The following CDH23 variants were observed in gnomAD, a reference collection of about 807,000 sequenced individuals.
CDH23 encodes cadherin-23.
In CDH23, 189 loss-of-function variants were observed where a neutral mutation model predicts 317.1. The ratio of observed to expected loss-of-function variants is 0.60; its 90% confidence interval spans 0.53 to 0.67. The LOEUF is 0.67. Ranked by LOEUF, CDH23 falls within the 30% of genes least tolerant of loss-of-function variation. The pLI is 0.00. For missense variants in CDH23, 4,401 were observed against 4,592.4 expected (o/e 0.96, Z 1.20); for synonymous variants, 1,839 against 1,876.8 (o/e 0.98, Z 0.52).
intron 3 of CDH23, among the ~76,000 whole-genome samples, chr10:71,456,337 G>A (rs918008757): frequency 1.3e-5 from 2 of 151,856 alleles, no homozygotes; most frequent in Admixed American, 6.6e-5. Flanking sequence ...ACCCCCAGGA[G>A]GGCTTGGGTG....
At chr10:71,659,989 C>G (rs1409631136) in intron 14 of CDH23, among the ~76,000 whole-genome samples, 4 of 134,922 alleles carry the variant, frequency 3.0e-5, no homozygotes, top group Admixed American at 1.6e-4. Context: ...TTAGACGGAG[C>G]CTCGCTCCCT....
intron 24 of CDH23, 131 bp downstream of exon 24, chr10:71,702,825 G>A (rs1865643063): frequency 1.0e-6 from 1 of 1,003,516 alleles, no homozygotes; most frequent in Non-Finnish European, 1.5e-6. Context: ...AGAGGCTCTG[G>A]AGATGTGGAG....
chr10:71,711,389 A>G (rs539681320), intron 27 of CDH23, among the ~76,000 whole-genome samples: 1 of 152,260 alleles, frequency 6.6e-6, no homozygotes, highest in South Asian at 2.1e-4. Flanking sequence ...CTGGGGAAGA[A>G]GGATGGCGTC....
chr10:71,647,236 G>A (rs71479411), intron 14 of CDH23: 1 of 314,638 alleles, frequency 3.2e-6, no homozygotes, highest in Non-Finnish European at 4.6e-6. Context: ...GCCGAGGTGG[G>A]CGGATCACTT....
intron 1 of CDH23, among the ~76,000 whole-genome samples, chr10:71,420,539 A>ATGGTGATGGTAATGG (rs1848754921): frequency 3.1e-4 from 1 of 3,244 alleles, no homozygotes; most frequent in Non-Finnish European, 7.1e-4. Context: ...GATGATGATG[A>ATGGTGATGGTAATGG]TGATGGTGAT....
At chr10:71,731,860 C>A (rs74516676) in intron 31 of CDH23, 127 bp from the exon 32 acceptor site, 2 of 910,190 alleles carry the variant, frequency 2.2e-6, no homozygotes, top group Admixed American at 2.7e-5. Flanking sequence ...ATGATCCTGC[C>A]GGCAGAGGTG....
At chr10:71,707,157 G>C (rs2132746832) in intron 26 of CDH23, 108 bp downstream of exon 26, 1 of 1,546,844 alleles carries the variant, frequency 6.5e-7, no homozygotes, top group South Asian at 1.2e-5. Flanking sequence ...TGGAAAAGAG[G>C]TCAGGGCTCT....
chr10:71,567,962 C>T (rs1457316753), intron 7 of CDH23, among the ~76,000 whole-genome samples: 4 of 152,238 alleles, frequency 2.6e-5, no homozygotes, highest in Admixed American at 6.5e-5. Context: ...AGGGGCCTGC[C>T]GGCAGCGCTG....
intron 6 of CDH23, among the ~76,000 whole-genome samples, chr10:71,537,048 G>A (rs1855743494): frequency 6.6e-6 from 1 of 152,118 alleles, no homozygotes; most frequent in Admixed American, 6.5e-5. Flanking sequence ...GGACAGGACT[G>A]CCACAGGAGC....
intron 9 of CDH23, among the ~76,000 whole-genome samples, chr10:71,610,682 A>G (rs1322221409): frequency 2.0e-5 from 3 of 152,198 alleles, no homozygotes; most frequent in East Asian, 3.8e-4. Flanking sequence ...TTTAATAAAT[A>G]GGAGAATGAA....
chr10:71,589,376 C>G (rs541489347), intron 9 of CDH23, among the ~76,000 whole-genome samples: 4 of 152,174 alleles, frequency 2.6e-5, no homozygotes, highest in Admixed American at 2.0e-4. Flanking sequence ...CCTTGGCCTC[C>G]GAAAGTGCTG....
Position 71,509,823 on chromosome 10 carries a change from T to C in CDH23, c.146-259T>C, listed in dbSNP as rs1484324946. Reference sequence around the variant, plus strand: ...AAGGGGGGCAGGCAGAAGTCATAAGTGTCTTTTACACACTCAGAACATGGT... The same window carrying C: ...AAGGGGGGCAGGCAGAAGTCATAAGCGTCTTTTACACACTCAGAACATGGT... On this transcript the variant is annotated intron_variant, in intron 3 of 69. Coordinates refer to ENST00000224721, the MANE Select transcript of CDH23 (RefSeq NM_022124.6). 21 of 489,610 alleles carry C rather than the reference T, an allele frequency of 4.3e-5. No homozygotes were observed. In the Admixed American group the frequency reaches 7.0e-4, roughly 16 times the overall value. The allele number at this position is 489,610 out of a possible 1,614,324, so 30.3% of individuals were successfully genotyped here.
Position 71,578,127 on chromosome 10 carries a change from G to A in CDH23, c.832+135G>A, listed in dbSNP as rs1858350218. The A allele has an allele frequency of 5.7e-5, 47 of 831,832 alleles. No individual in the cohort carries two copies. The South Asian group carries it at 6.8e-4, about 12-fold the overall frequency. The allele number at this position is 831,832 out of a possible 1,614,324, so 51.5% of individuals were successfully genotyped here. The stretch of plus-strand genomic sequence containing the variant: ...GGACAGGGTAGGAGACCTGACTACA[G>A]GGACAGTCCTCGCCAAAGGGCCAGG... On this transcript the variant is annotated intron_variant, in intron 9 of 69. Transcript: ENST00000224721.
chr10:71,784,103 C>T (rs546255136), intron 41 of CDH23, among the ~76,000 whole-genome samples, 184 bp from the exon 42 acceptor site: 14 of 152,326 alleles, frequency 9.2e-5, no homozygotes, highest in African/African-American at 3.4e-4. Flanking sequence ...CTACCACCCA[C>T]CTGCACATCC....
intron 3 of CDH23, among the ~76,000 whole-genome samples, chr10:71,508,613 CCTTT>C (rs1393285959): frequency 5.3e-5 from 8 of 152,108 alleles, no homozygotes; most frequent in Non-Finnish European, 5.9e-5. Context: ...AATTTGGAAT[CCTTT>C]CTTTCTATCT....
chr10:71,684,072 A>C (rs1217001231), intron 18 of CDH23, among the ~76,000 whole-genome samples: 2 of 149,518 alleles, frequency 1.3e-5, no homozygotes, highest in Non-Finnish European at 3.0e-5. Flanking sequence ...CAAAAGCAAA[A>C]CTCCATCTCA....
chr10:71,539,810 A>T (rs1441461706), intron 6 of CDH23, among the ~76,000 whole-genome samples: 1 of 148,018 alleles, frequency 6.8e-6, no homozygotes, highest in Non-Finnish European at 1.5e-5. Flanking sequence ...GACTCTCTTG[A>T]CCTCTCTCTG....
intron 69 of CDH23, among the ~76,000 whole-genome samples, 164 bp downstream of exon 69, chr10:71,813,512 C>T (rs1842013978): frequency 6.6e-6 from 1 of 152,220 alleles, no homozygotes; most frequent in Admixed American, 6.5e-5. Flanking sequence ...GATCTGCTTT[C>T]TGGGCTTTTG....
rs1286457579 is a variant in CDH23, at chr10:71,790,338, C to T, written c.5974C>T (p.Gln1992Ter). Reference sequence around the variant, plus strand: ...GCCCATCCTGGCCCTGGATGCAGACCAAGACATCTACGCCGTGGTGACCTA... The same window carrying T: ...GCCCATCCTGGCCCTGGATGCAGACTAAGACATCTACGCCGTGGTGACCTA... The part of the protein sequence containing the change: ...NGPILALDAD[Q>*]DIYAVVTYQL... Residue 1992 changes from glutamine (Q) to a stop codon, truncating the protein, a stop_gained, in exon 46 of 70, where the codon CAA (glutamine) becomes TAA (stop). Coordinates refer to ENST00000224721, the MANE Select transcript of CDH23 (RefSeq NM_022124.6). LOFTEE classifies it high-confidence loss of function. The T allele has an allele frequency of 1.9e-6, 3 of 1,613,800 alleles. No individual in the cohort carries two copies. Among genetic ancestry groups the T allele is most frequent in the South Asian group, 2.2e-5 (2 of 91,092 alleles).
Sources: allele counts gnomAD v4.1 joint callset (sites outside exome capture counted in the v4.1 genomes callset), GRCh38; gene constraint gnomAD v4.1.1; transcripts MANE v1.5; gene names NCBI Gene and HGNC (gene_info 2026-07-23, HGNC 2026-07-21).